Variants in IQCJ observed in about 807,000 individuals in gnomAD.
IQCJ encodes IQ motif containing J.
IQCJ carries 9 observed loss-of-function variants against 11.0 expected under a neutral mutation model. That is an observed-to-expected ratio of 0.82 (90% CI 0.49 to 1.43). The LOEUF (loss-of-function observed/expected upper bound fraction) is 1.43, where lower values mean the gene tolerates loss of function less well. Ranked by LOEUF, IQCJ falls within the 40% of genes most tolerant of loss-of-function variation. The pLI is 0.00. For missense variants in IQCJ, 146 were observed against 133.2 expected (o/e 1.10, Z -0.47); for synonymous variants, 55 against 51.3 (o/e 1.07, Z -0.31).
In IQCJ at chr3:159,088,339, G is replaced by C. The variant is rs1220919524; in HGVS notation, c.9+18898G>C. Among the ~76,000 whole-genome samples, 1,018 of 151,890 alleles carry C rather than the reference G, an allele frequency of 6.7e-3. 9 individuals carry two copies. The highest frequency in any genetic ancestry group is 0.022 in the African/African-American group (923 of 41,324). On this transcript the variant is annotated intron_variant, in intron 1 of 3. Coordinates refer to ENST00000397832, the MANE Select transcript of IQCJ (RefSeq NM_001042706.3). ...TTGCTGAGGAGAGCTTTACTTCCAA[G>C]TATGTGGTCAATTTTGGAATATGTG...
At chr3:159,081,741 GAAAGTATGATTTTAATGCA>G (rs558625413) in intron 1 of IQCJ, among the ~76,000 whole-genome samples, 1,609 of 152,122 alleles carry the variant, frequency 0.011, 12 homozygotes, top group Non-Finnish European at 0.017. Context: ...AGAATGTGGG[GAAAGTATGATTTTAATGCA>G]AAATGAAGAA....
intron 1 of IQCJ, among the ~76,000 whole-genome samples, chr3:159,207,501 A>G (rs961659594): frequency 2.0e-5 from 3 of 152,140 alleles, no homozygotes; most frequent in African/African-American, 7.2e-5. Flanking sequence ...TAAATGTCCA[A>G]TATACTGTTT....
intron 3 of IQCJ, among the ~76,000 whole-genome samples, chr3:159,258,646 A>G (rs546718757): frequency 1.3e-5 from 2 of 152,298 alleles, no homozygotes; most frequent in Non-Finnish European, 2.9e-5. Flanking sequence ...TCTTTTGTCC[A>G]TCCCTAAATT....
chr3:159,123,633 G>T (rs1719506241), intron 1 of IQCJ, among the ~76,000 whole-genome samples: 1 of 152,086 alleles, frequency 6.6e-6, no homozygotes, highest in East Asian at 1.9e-4. Flanking sequence ...TGGGGGCTAG[G>T]CACTAAGGGC....
intron 1 of IQCJ, among the ~76,000 whole-genome samples, chr3:159,162,438 C>G (rs1052963328): frequency 6.6e-6 from 1 of 152,078 alleles, no homozygotes; most frequent in Admixed American, 6.6e-5. Flanking sequence ...TGGGCTGAGA[C>G]AGTGGGGTTT....
chr3:159,142,698 G>A (rs989110050), intron 1 of IQCJ, among the ~76,000 whole-genome samples: 2 of 151,990 alleles, frequency 1.3e-5, no homozygotes, highest in Non-Finnish European at 2.9e-5. Context: ...AATTACAGGC[G>A]TCAGCCACCG....
chr3:159,214,614 C>G (rs116277989), intron 1 of IQCJ, among the ~76,000 whole-genome samples: 1 of 152,202 alleles, frequency 6.6e-6, no homozygotes, highest in Non-Finnish European at 1.5e-5. Context: ...CAATGATTTT[C>G]CTCCACCCAT....
intron 1 of IQCJ, among the ~76,000 whole-genome samples, chr3:159,091,452 A>G (rs1717277615): frequency 6.6e-6 from 1 of 151,560 alleles, no homozygotes; most frequent in Non-Finnish European, 1.5e-5. Context: ...TAATGGTATT[A>G]ATGGCACTAA....
At chr3:159,076,254 T>G (rs968813525) in intron 1 of IQCJ, among the ~76,000 whole-genome samples, 4 of 152,114 alleles carry the variant, frequency 2.6e-5, no homozygotes, top group African/African-American at 9.7e-5. Context: ...TTGGGAGACT[T>G]TAATTCTGCC....
intron 1 of IQCJ, among the ~76,000 whole-genome samples, chr3:159,181,108 A>G (rs1278415019): frequency 6.6e-6 from 1 of 151,388 alleles, no homozygotes; most frequent in Non-Finnish European, 1.5e-5. Flanking sequence ...CATCATCCCC[A>G]CTTCTCCATG....
chr3:159,236,680 TG>T (rs1331629565), intron 1 of IQCJ, among the ~76,000 whole-genome samples: 1 of 152,222 alleles, frequency 6.6e-6, no homozygotes, highest in East Asian at 1.9e-4. Context: ...TCACTTAATG[TG>T]GACACAGCAG....
At chr3:159,199,326 G>A (rs1724176881) in intron 1 of IQCJ, among the ~76,000 whole-genome samples, 1 of 152,126 alleles carries the variant, frequency 6.6e-6, no homozygotes, top group African/African-American at 2.4e-5. Context: ...AGTTGAAGAT[G>A]ATGCACTATT....
At chr3:159,096,028 T>G (rs1577004962) in intron 1 of IQCJ, among the ~76,000 whole-genome samples, 2 of 68,662 alleles carry the variant, frequency 2.9e-5, no homozygotes, top group East Asian at 7.1e-4. Context: ...CAGCACCTGT[T>G]GTTTCCTGAC....
intron 1 of IQCJ, among the ~76,000 whole-genome samples, chr3:159,093,828 C>T (rs1717521034): frequency 6.6e-6 from 1 of 151,826 alleles, no homozygotes; most frequent in Admixed American, 6.5e-5. Flanking sequence ...TTTATAAAAC[C>T]ATCAGATCTC....
At chr3:159,183,326 T>C (rs1444732418) in intron 1 of IQCJ, among the ~76,000 whole-genome samples, 1 of 152,216 alleles carries the variant, frequency 6.6e-6, no homozygotes, top group East Asian at 1.9e-4. Flanking sequence ...ATATAGGTTT[T>C]TATTTCATTA....
intron 1 of IQCJ, among the ~76,000 whole-genome samples, chr3:159,233,268 A>AG (rs1182382127): frequency 6.6e-6 from 1 of 152,128 alleles, no homozygotes; most frequent in East Asian, 1.9e-4. Context: ...TGCCAGGCCC[A>AG]GGGGCTTAGG....
chr3:159,261,682 C>T (rs1728216655), intron 3 of IQCJ, among the ~76,000 whole-genome samples: 3 of 152,186 alleles, frequency 2.0e-5, no homozygotes, highest in African/African-American at 7.2e-5. Flanking sequence ...TCGGGTATTT[C>T]TTCATAGCAG....
chr3:159,249,300 C>T (rs2922407), intron 2 of IQCJ, among the ~76,000 whole-genome samples: 99,005 of 152,048 alleles, frequency 0.65, 33,358 homozygotes, highest in Non-Finnish European at 0.76. Flanking sequence ...ATGGTATATA[C>T]GTGGGTTTCC....
At chr3:159,246,756 GA>G (rs1727296999) in intron 2 of IQCJ, among the ~76,000 whole-genome samples, 1 of 152,192 alleles carries the variant, frequency 6.6e-6, no homozygotes, top group Admixed American at 6.5e-5. Flanking sequence ...TTGGAGAAAA[GA>G]AGTCTCAGAA....
Sources: gnomAD v4.1 joint callset for allele counts (sites outside exome capture counted in the v4.1 genomes callset) on GRCh38, gnomAD v4.1.1 for gene constraint, MANE v1.5 for transcripts, NCBI Gene and HGNC (gene_info 2026-07-23, HGNC 2026-07-21) for gene names.